ST6GAL2: variants seen among roughly 807,000 people sequenced by gnomAD.
The protein encoded by ST6GAL2 is ST6 beta-galactoside alpha-2,6-sialyltransferase 2, also known as beta-galactoside alpha-2,6-sialyltransferase 2.
Under a neutral mutation model 37.5 loss-of-function variants are expected in ST6GAL2, and 24 were observed. That is an observed-to-expected ratio of 0.64 (90% CI 0.46 to 0.90). The LOEUF is 0.90. Ranked by LOEUF, ST6GAL2 falls within the 40% of genes least tolerant of loss-of-function variation. The pLI is 0.00. For synonymous variants in ST6GAL2, 306 were observed against 295.1 expected (o/e 1.04, Z -0.38); for missense variants, 715 against 712.7 (o/e 1.00, Z -0.04).
In ST6GAL2 at chr2:106,843,181, C is replaced by T; in HGVS notation, c.797G>A (p.Gly266Asp). 6.4e-7 allele frequency: 1 copy of T among 1,553,240 alleles called. No homozygotes were observed. The highest frequency in any genetic ancestry group is 2.0e-5 in the Admixed American group (1 of 49,868). ...RSRARVRTLD[G>D]TEAPFSALGW... ...CAGCGCAGAAAAGGGCGCCTCGGTG[C>T]CGTCCAGCGTCCGCACGCGCGCGCG... The change falls in exon 2 of 6, where the codon GGC becomes GAC. Residue 266 changes from glycine to aspartate, a missense_variant. This residue lies in a region of ST6GAL2 where 512 missense variants were observed against 488.8 expected (regional missense o/e 1.05). Transcript: ENST00000409382.
intron 1 of ST6GAL2, among the ~76,000 whole-genome samples, chr2:106,855,084 A>G (rs554035023): frequency 5.7e-4 from 87 of 152,320 alleles, no homozygotes; most frequent in African/African-American, 2.0e-3. Flanking sequence ...TATTAAGTCT[A>G]TCATAAGGTG....
intron 5 of ST6GAL2, among the ~76,000 whole-genome samples, chr2:106,823,490 G>C (rs62155503): frequency 0.016 from 1,081 of 69,264 alleles, 2 homozygotes; most frequent in South Asian, 0.037. Flanking sequence ...CACACACAGA[G>C]AGAGAGAGAG....
intron 2 of ST6GAL2, among the ~76,000 whole-genome samples, chr2:106,837,802 T>C (rs1676708955): frequency 1.3e-5 from 2 of 152,208 alleles, no homozygotes; most frequent in Admixed American, 6.5e-5. Flanking sequence ...GCCCATTGTC[T>C]TATTGTGGAG....
At chr2:106,870,180 T>C (rs892924485) in intron 1 of ST6GAL2, among the ~76,000 whole-genome samples, 1 of 152,150 alleles carries the variant, frequency 6.6e-6, no homozygotes, top group Non-Finnish European at 1.5e-5. Context: ...CCACCCTTCA[T>C]TGGCCAGAGA....
In ST6GAL2 at chr2:106,802,773, C is replaced by T. The variant is rs1675299247; in HGVS notation, c.*3905G>A. Reference sequence around the variant, plus strand: ...ACAATAGAACATACTTGGAAGCTACCTGGCCAATAGGTTCACTCATGTCTT... The same window carrying T: ...ACAATAGAACATACTTGGAAGCTACTTGGCCAATAGGTTCACTCATGTCTT... On this transcript the variant is annotated 3_prime_UTR_variant, in exon 6 of 6. Coordinates refer to ENST00000409382, the MANE Select transcript of ST6GAL2 (RefSeq NM_001142351.2). 6.6e-6 allele frequency: 1 copy of T among 152,180 alleles called. No homozygotes were observed. Among genetic ancestry groups the T allele is most frequent in the Non-Finnish European group, 1.5e-5 (1 of 68,046 alleles). The allele number at this position is 152,180 out of a possible 1,614,324, so 9.4% of individuals were successfully genotyped here.
intron 5 of ST6GAL2, among the ~76,000 whole-genome samples, chr2:106,819,838 A>G (rs966062795): frequency 6.6e-6 from 1 of 152,054 alleles, no homozygotes; most frequent in Non-Finnish European, 1.5e-5. Context: ...ACAAAAACTT[A>G]AAAAGTGGGA....
chr2:106,824,429 G>A (rs760460581), intron 5 of ST6GAL2, among the ~76,000 whole-genome samples: 1 of 152,096 alleles, frequency 6.6e-6, no homozygotes, highest in Non-Finnish European at 1.5e-5. Flanking sequence ...TCAGGAGATC[G>A]AGACCATCCT....
In ST6GAL2 at chr2:106,844,003, G is replaced by A. The variant is rs1169478577; in HGVS notation, c.-26C>T. The A allele has an allele frequency of 6.5e-6, 10 of 1,532,478 alleles. No individual in the cohort carries two copies. In the Middle Eastern group the frequency reaches 5.2e-4, roughly 80 times the overall value. The allele number at this position is 1,532,478 out of a possible 1,614,324, so 94.9% of individuals were successfully genotyped here. On this transcript the variant is annotated 5_prime_UTR_variant, in exon 2 of 6. Coordinates refer to ENST00000409382, the MANE Select transcript of ST6GAL2 (RefSeq NM_001142351.2). ...GGCAGGTCTCTGCGGTCAGCACCTT[G>A]TGTCTTAATGCAGATGGGTGGCAGA...
intron 5 of ST6GAL2, among the ~76,000 whole-genome samples, chr2:106,816,003 C>T (rs1052146491): frequency 3.3e-5 from 5 of 152,134 alleles, no homozygotes; most frequent in African/African-American, 1.2e-4. Flanking sequence ...ATTACAACAA[C>T]GTTAAAATCT....
chr2:106,808,926 G>T (rs564953277), intron 5 of ST6GAL2, among the ~76,000 whole-genome samples: 1 of 152,298 alleles, frequency 6.6e-6, no homozygotes, highest in South Asian at 2.1e-4. Flanking sequence ...AGAATCACTT[G>T]AGCCTGGGAG....
At chr2:106,872,237 G>A (rs1014130128) in intron 1 of ST6GAL2, among the ~76,000 whole-genome samples, 6 of 152,224 alleles carry the variant, frequency 3.9e-5, no homozygotes, top group Admixed American at 3.3e-4. Context: ...CAATGCTGAA[G>A]TGCTCTAGGA....
intron 1 of ST6GAL2, among the ~76,000 whole-genome samples, chr2:106,858,677 T>A (rs777543707): frequency 4.6e-5 from 7 of 152,104 alleles, no homozygotes; most frequent in Non-Finnish European, 5.9e-5. Flanking sequence ...CCAAAGAGGA[T>A]TCCCATATCC....
intron 4 of ST6GAL2, among the ~76,000 whole-genome samples, chr2:106,831,416 A>G (rs1046196459): frequency 6.6e-6 from 1 of 152,228 alleles, no homozygotes; most frequent in Non-Finnish European, 1.5e-5. Context: ...GAAACTCTCA[A>G]GTCTGTTCAC....
At chr2:106,830,579 C>T (rs1377977943) in intron 4 of ST6GAL2, among the ~76,000 whole-genome samples, 4 of 152,184 alleles carry the variant, frequency 2.6e-5, no homozygotes, top group Admixed American at 2.0e-4. Flanking sequence ...CTCAACGGTA[C>T]CATCGTAGCA....
Position 106,843,915 on chromosome 2 carries a change from G to A in ST6GAL2, c.63C>T (p.Leu21=), listed in dbSNP as rs199595693. 1.2e-6 allele frequency: 2 copies of A among 1,601,156 alleles called. No individual in the cohort carries two copies. The highest frequency in any genetic ancestry group is 1.7e-5 in the Admixed American group (1 of 59,906). The part of the protein sequence containing the change: ...RMLFGIFAWG[L]LFLLIFIYFT... ...AGTAGATGAAAATCAGCAAAAAGAG[G>A]AGCCCCCAAGCGAATATTCCGAAAA... The change falls in exon 2 of 6, where the codon CTC becomes CTT. Residue 21 remains leucine, a synonymous_variant. Transcript: ENST00000409382.
chr2:106,814,949 G>A (rs559470679), intron 5 of ST6GAL2, among the ~76,000 whole-genome samples: 2 of 152,192 alleles, frequency 1.3e-5, no homozygotes, highest in Non-Finnish European at 2.9e-5. Flanking sequence ...CTGAGTGTAA[G>A]GAAGCTAATG....
chr2:106,832,575 T>C lies in ST6GAL2; in HGVS notation c.1133A>G (p.Asn378Ser). 1 of 1,578,472 alleles carries C rather than the reference T, an allele frequency of 6.3e-7. No homozygotes were observed. Among genetic ancestry groups the C allele is most frequent in the Non-Finnish European group, 8.6e-7 (1 of 1,161,474 alleles). The change falls in exon 4 of 6, where the codon AAT becomes AGT. Residue 378 changes from asparagine to serine, a missense_variant. Coordinates refer to ENST00000409382, the MANE Select transcript of ST6GAL2 (RefSeq NM_001142351.2). ...CAGGGAAACACTTACCAGGTTAAGA[T>C]TTGCGGAATATGGGGCAGGGTCCCA... ...VAWDPAPYSA[N>S]LNLWYKKPDY...
At chr2:106,862,193 C>T (rs1677828273) in intron 1 of ST6GAL2, among the ~76,000 whole-genome samples, 1 of 152,194 alleles carries the variant, frequency 6.6e-6, no homozygotes, top group South Asian at 2.1e-4. Flanking sequence ...GCACCAGAGT[C>T]GTGAAGCAGT....
chr2:106,811,873 G>A (rs1675622202), intron 5 of ST6GAL2, among the ~76,000 whole-genome samples: 1 of 152,130 alleles, frequency 6.6e-6, no homozygotes, highest in Non-Finnish European at 1.5e-5. Flanking sequence ...ATGATACGAA[G>A]CAAAATCACC....
Sources: gnomAD v4.1 joint callset for allele counts (sites outside exome capture counted in the v4.1 genomes callset) on GRCh38, gnomAD v4.1.1 for gene constraint, gnomAD v4.1.1 regional missense constraint, MANE v1.5 for transcripts, NCBI Gene and HGNC (gene_info 2026-07-23, HGNC 2026-07-21) for gene names.